DIS3L2: variants seen among roughly 807,000 people sequenced by gnomAD.
DIS3L2 encodes DIS3 like 3'-5' exoribonuclease 2, also known as DIS3-like exonuclease 2.
DIS3L2 carries 34 observed loss-of-function variants against 97.5 expected under a neutral mutation model. The ratio of observed to expected loss-of-function variants is 0.35; its 90% CI spans 0.27 to 0.46. The LOEUF is 0.46. DIS3L2 is among the 20% of genes least tolerant of loss of function. The pLI, the probability that DIS3L2 is intolerant of heterozygous loss-of-function variation, is 1.00. For synonymous variants in DIS3L2, 435 were observed against 445.2 expected, an observed-to-expected ratio of 0.98 and a Z score of 0.29; for missense variants, 1,038 against 1,146.0, an observed-to-expected ratio of 0.91 and a Z score of 1.36.
At chr2:232,156,663 A>T (rs1476372323) in intron 8 of DIS3L2, among the ~76,000 whole-genome samples, 1 of 152,140 alleles carries the variant, frequency 6.6e-6, no homozygotes, top group Non-Finnish European at 1.5e-5. Flanking sequence ...TAAGACAATC[A>T]TTTAGGTCCG....
At chr2:232,064,003 G>A (rs755244718) in intron 5 of DIS3L2, among the ~76,000 whole-genome samples, 3 of 151,920 alleles carry the variant, frequency 2.0e-5, no homozygotes, top group Non-Finnish European at 4.4e-5. Flanking sequence ...CACTTTTCCT[G>A]TGTATAGATG....
intron 5 of DIS3L2, among the ~76,000 whole-genome samples, chr2:232,039,478 G>A (rs1695047936): frequency 6.6e-6 from 1 of 152,078 alleles, no homozygotes; most frequent in Admixed American, 6.6e-5. Context: ...GGCTTTTGGG[G>A]TTTTAGAAAA....
chr2:232,220,806 T>C (rs1379645955), intron 10 of DIS3L2, among the ~76,000 whole-genome samples: 4 of 152,070 alleles, frequency 2.6e-5, no homozygotes, highest in South Asian at 2.1e-4. Context: ...CATTGGAAAT[T>C]AGAGTTTATT....
chr2:232,000,473 C>CT (rs1693846190), intron 1 of DIS3L2, among the ~76,000 whole-genome samples: 1 of 152,070 alleles, frequency 6.6e-6, no homozygotes, highest in African/African-American at 2.4e-5. Flanking sequence ...ATCTGTTCAA[C>CT]TTTTTTACAC....
intron 13 of DIS3L2, 79 bp downstream of exon 13, chr2:232,263,519 G>T: frequency 7.2e-7 from 1 of 1,379,980 alleles, no homozygotes; most frequent in Non-Finnish European, 1.0e-6. Context: ...AGCTTGGCAG[G>T]CTTAGACTCT....
intron 5 of DIS3L2, among the ~76,000 whole-genome samples, chr2:232,038,193 G>T (rs1695006263): frequency 6.6e-6 from 1 of 152,074 alleles, no homozygotes; most frequent in Non-Finnish European, 1.5e-5. Flanking sequence ...GCATAGTGTT[G>T]ACCAGGTCCA....
rs1695558440 is a variant in DIS3L2, at chr2:232,325,905, G to A, written c.1740-3908G>A. On this transcript the variant is annotated intron_variant, in intron 14 of 20. Transcript: ENST00000325385. The surrounding 1 kb of genome is among the most constrained non-coding windows in gnomAD (Gnocchi z 4.6). ...AGGAAGGTATGAGGCCAGGGCAGGG[G>A]GCAGGGCGCCCTCCCGTCCAGCAGC... is the stretch of plus-strand genomic sequence containing the variant. 6.6e-6 allele frequency among the ~76,000 whole-genome samples: 1 copy of A among 152,212 alleles called. No individual in the cohort carries two copies. Among genetic ancestry groups the A allele is most frequent in the Admixed American group, 6.5e-5 (1 of 15,288 alleles).
At chr2:232,028,427 G>T (rs557075495) in intron 4 of DIS3L2, among the ~76,000 whole-genome samples, 7 of 152,204 alleles carry the variant, frequency 4.6e-5, no homozygotes, top group Non-Finnish European at 8.8e-5. Context: ...AATCAAGGAA[G>T]AGCTGAGTAT....
At chr2:232,279,510 GTTTGTT>G (rs1559189565) in intron 13 of DIS3L2, among the ~76,000 whole-genome samples, 30 of 53,832 alleles carry the variant, frequency 5.6e-4, no homozygotes, top group Admixed American at 3.2e-3. Context: ...GTGTGTGTTT[GTTTGTT>G]TGTTTGTTTG....
chr2:232,138,051 A>T (rs1698407040), intron 8 of DIS3L2, among the ~76,000 whole-genome samples: 1 of 152,166 alleles, frequency 6.6e-6, no homozygotes, highest in Non-Finnish European at 1.5e-5. Flanking sequence ...CTTGTTTTTT[A>T]TCTGCCTTTC....
intron 6 of DIS3L2, among the ~76,000 whole-genome samples, chr2:232,099,445 C>A (rs957680974): frequency 1.1e-4 from 17 of 152,036 alleles, no homozygotes; most frequent in Non-Finnish European, 1.9e-4. Flanking sequence ...GAACTCCTGG[C>A]CTCAAGTGAT....
At chr2:232,252,172 C>T (rs916455795) in intron 12 of DIS3L2, among the ~76,000 whole-genome samples, 1 of 152,144 alleles carries the variant, frequency 6.6e-6, no homozygotes. Context: ...CTTTGGCAGG[C>T]CGAGGCAGGT....
chr2:231,965,619 T>C (rs1559498876), intron 1 of DIS3L2, among the ~76,000 whole-genome samples: 1 of 152,206 alleles, frequency 6.6e-6, no homozygotes, highest in South Asian at 2.1e-4. Context: ...AATATAATAT[T>C]TGAGTGCTTA....
chr2:232,235,906 C>T (rs892211222), intron 10 of DIS3L2, among the ~76,000 whole-genome samples: 7 of 152,204 alleles, frequency 4.6e-5, no homozygotes, highest in Admixed American at 2.0e-4. Flanking sequence ...GACACAGCTG[C>T]GTGCCTGTCA....
intron 10 of DIS3L2, among the ~76,000 whole-genome samples, chr2:232,213,368 AGGAAAAGGACAT>A (rs1245396099): frequency 6.6e-6 from 1 of 152,214 alleles, no homozygotes; most frequent in Non-Finnish European, 1.5e-5. Context: ...GCAGAGCAGC[AGGAAAAGGACAT>A]GGAAAAGGAG....
intron 6 of DIS3L2, among the ~76,000 whole-genome samples, chr2:232,120,936 A>G (rs995361603): frequency 6.6e-6 from 1 of 152,046 alleles, no homozygotes; most frequent in East Asian, 1.9e-4. Flanking sequence ...GCCCACTTCA[A>G]CCACACCTTC....
intron 13 of DIS3L2, among the ~76,000 whole-genome samples, chr2:232,270,860 G>GTCTCTCTCTCTCTCTCTCTCTC (rs71056262): frequency 5.8e-5 from 6 of 103,856 alleles, no homozygotes; most frequent in South Asian, 4.0e-4. Flanking sequence ...TCTTTTTCTC[G>GTCTCTCTCTCTCTCTCTCTCTC]TCTCTCTCTC....
chr2:232,314,790 C>G (rs1396079154), intron 14 of DIS3L2, among the ~76,000 whole-genome samples: 2 of 152,196 alleles, frequency 1.3e-5, no homozygotes, highest in African/African-American at 2.4e-5. Flanking sequence ...GGCGCTGCAG[C>G]AATCCAGCAT....
Position 232,286,442 on chromosome 2 carries a change from C to T in DIS3L2, c.1660-13598C>T, listed in dbSNP as rs1048547265. Among the ~76,000 whole-genome samples, 3 of 152,300 alleles carry T rather than the reference C, an allele frequency of 2.0e-5. No individual in the cohort carries two copies. In the East Asian group the frequency reaches 5.8e-4, roughly 29 times the overall value. On this transcript the variant is annotated intron_variant, in intron 13 of 20. Coordinates refer to ENST00000325385, the MANE Select transcript of DIS3L2 (RefSeq NM_152383.5). ...CCACAGAGAGAGTGTTTCCCAGATA[C>T]TGCTCAGGTAAAGAAATTGGACCTT...
Sources: allele counts gnomAD v4.1 joint callset (sites outside exome capture counted in the v4.1 genomes callset), GRCh38; gene constraint gnomAD v4.1.1; non-coding constraint Gnocchi (gnomAD v3.1); transcripts MANE v1.5; gene names NCBI Gene and HGNC (gene_info 2026-07-23, HGNC 2026-07-21).